USP25: variants seen among roughly 807,000 people sequenced by gnomAD.
USP25 encodes ubiquitin carboxyl-terminal hydrolase 25.
Under a neutral mutation model 158.5 loss-of-function variants are expected in USP25, and 85 were observed. The ratio of observed to expected loss-of-function variants is 0.54; its 90% CI spans 0.45 to 0.64. USP25 has a LOEUF of 0.64. USP25 is among the 30% of genes least tolerant of loss of function. The probability of loss-of-function intolerance (pLI) is 0.00; values close to 1 mark genes in which losing one functional copy is unlikely to be tolerated. For synonymous variants in USP25, 464 were observed against 460.4 expected (o/e 1.01, Z -0.10); for missense variants, 1,242 against 1,327.3 (o/e 0.94, Z 1.00).
At chr21:15,787,808 A>G (rs554355419) in intron 4 of USP25, among the ~76,000 whole-genome samples, 26 of 151,770 alleles carry the variant, frequency 1.7e-4, no homozygotes, top group African/African-American at 5.6e-4. Flanking sequence ...CTTCCCAAAA[A>G]GGGGCTTAGG....
At chr21:15,845,393 A>T (rs905830778) in intron 18 of USP25, among the ~76,000 whole-genome samples, 1 of 152,178 alleles carries the variant, frequency 6.6e-6, no homozygotes. Context: ...ATTTTACTCT[A>T]GTGAGCCCTT....
chr21:15,827,339 A>T, intron 14 of USP25, 136 bp downstream of exon 14: 1 of 809,262 alleles, frequency 1.2e-6, no homozygotes, highest in Non-Finnish European at 1.9e-6. Flanking sequence ...GGGTTTTAAG[A>T]TAAACTAGTT....
In USP25 at chr21:15,816,039, A is replaced by G. The variant is rs886189485; in HGVS notation, c.932-2659A>G. 1.3e-5 allele frequency among the ~76,000 whole-genome samples: 2 copies of G among 152,192 alleles called. No homozygotes were observed. The highest frequency in any genetic ancestry group is 2.9e-5 in the Non-Finnish European group (2 of 68,024). ...GGCTAGGGCTGGAATGATGTGGTTC[A>G]GCTGTGTCCTGATGTAAATCTCAAC... On this transcript the variant is annotated intron_variant, in intron 9 of 25. Coordinates refer to ENST00000400183, the MANE Select transcript of USP25 (RefSeq NM_001283041.3). The surrounding 1 kb of genome is among the most constrained non-coding windows in gnomAD (Gnocchi z 4.0).
At chr21:15,749,372 G>C (rs73357262) in intron 1 of USP25, among the ~76,000 whole-genome samples, 2,312 of 152,152 alleles carry the variant, frequency 0.015, 61 homozygotes, top group African/African-American at 0.051. Context: ...AATTTTCCAA[G>C]GTTTGTCTTT....
chr21:15,777,838 TC>T, intron 3 of USP25, 65 bp from the exon 4 acceptor site: 1 of 1,452,036 alleles, frequency 6.9e-7, no homozygotes, highest in South Asian at 1.5e-5. Context: ...ATATAAAATC[TC>T]CATAATAAAA....
chr21:15,764,452 GAA>G (rs1568774541), intron 2 of USP25, among the ~76,000 whole-genome samples: 1 of 151,916 alleles, frequency 6.6e-6, no homozygotes, highest in African/African-American at 2.4e-5. Context: ...GTAGCTAGGG[GAA>G]AAGAGTGTAT....
At chr21:15,862,861 A>G (rs1036180719) in intron 20 of USP25, among the ~76,000 whole-genome samples, 1 of 151,622 alleles carries the variant, frequency 6.6e-6, no homozygotes, top group African/African-American at 2.4e-5. Context: ...TTCCTTTTTA[A>G]TGAGTATGAT....
intron 1 of USP25, among the ~76,000 whole-genome samples, chr21:15,752,935 C>T (rs530771950): frequency 2.6e-5 from 4 of 152,222 alleles, no homozygotes; most frequent in Admixed American, 2.0e-4. Flanking sequence ...ATTTGTTACC[C>T]GCCAAAAACT....
chr21:15,873,785 A>G (rs2039990253), intron 23 of USP25, among the ~76,000 whole-genome samples: 1 of 151,684 alleles, frequency 6.6e-6, no homozygotes. Context: ...GAGCCGCCGC[A>G]CCCGGCCTCT....
rs557700413 is a variant in USP25 at position 15,785,224 on chromosome 21, G to A, written c.393-6278G>A. Among the ~76,000 whole-genome samples, 9 of 151,776 alleles carry A rather than the reference G, an allele frequency of 5.9e-5. No homozygotes were observed. The South Asian group carries it at 1.5e-3, about 25-fold the overall frequency. On this transcript the variant is annotated intron_variant, in intron 4 of 25. Transcript: ENST00000400183. ...GCAAAACTGTAAATATATAAGCACC[G>A]AACACCAGAACATCCAAATATATAA...
chr21:15,813,764 G>C (rs2036792553), intron 9 of USP25, among the ~76,000 whole-genome samples: 1 of 151,394 alleles, frequency 6.6e-6, no homozygotes, highest in Non-Finnish European at 1.5e-5. Flanking sequence ...AAAGAGAGGA[G>C]TTAGTTTCAA....
intron 17 of USP25, among the ~76,000 whole-genome samples, chr21:15,836,493 A>G (rs1045284629): frequency 6.6e-6 from 1 of 151,942 alleles, no homozygotes; most frequent in Admixed American, 6.6e-5. Context: ...TCAGCCAGCC[A>G]TTCTTTGCTG....
intron 1 of USP25, among the ~76,000 whole-genome samples, chr21:15,750,799 G>C (rs1272722155): frequency 2.0e-5 from 3 of 151,420 alleles, no homozygotes; most frequent in East Asian, 2.0e-4. Context: ...GTAGAGATGG[G>C]GTTTCACCGT....
intron 2 of USP25, among the ~76,000 whole-genome samples, chr21:15,763,334 G>A (rs2033847496): frequency 6.6e-6 from 1 of 152,040 alleles, no homozygotes; most frequent in Non-Finnish European, 1.5e-5. Flanking sequence ...TGTAAGAGAA[G>A]GGAAAAGTAG....
chr21:15,827,759 CGTGTGCGTGTGTGT>C (rs1400833082), intron 14 of USP25, among the ~76,000 whole-genome samples: 6 of 102,626 alleles, frequency 5.8e-5, no homozygotes, highest in African/African-American at 2.5e-4. Flanking sequence ...CACTTGTGTG[CGTGTGCGTGTGTGT>C]GTGTGTGTGT....
chr21:15,772,148 A>G (rs1035369607), intron 3 of USP25, among the ~76,000 whole-genome samples: 9 of 152,172 alleles, frequency 5.9e-5, no homozygotes, highest in African/African-American at 2.2e-4. Context: ...GTTATAAACA[A>G]TGCATATATT....
chr21:15,762,058 A>T (rs1376590413), intron 1 of USP25, among the ~76,000 whole-genome samples: 1 of 152,062 alleles, frequency 6.6e-6, no homozygotes, highest in East Asian at 1.9e-4. Context: ...TCAAACTTTC[A>T]TTCAGTAGTT....
chr21:15,853,411 G>T (rs948437949), intron 20 of USP25, among the ~76,000 whole-genome samples: 3 of 151,928 alleles, frequency 2.0e-5, no homozygotes, highest in Admixed American at 6.6e-5. Context: ...CTCATTTCTT[G>T]TATCTTACCC....
At chr21:15,772,204 T>G (rs1220013051) in intron 3 of USP25, among the ~76,000 whole-genome samples, 3 of 152,196 alleles carry the variant, frequency 2.0e-5, no homozygotes, top group Non-Finnish European at 2.9e-5. Flanking sequence ...TAGCATATAT[T>G]TTGGAGTTAG....
Sources: gnomAD v4.1 joint callset for allele counts (sites outside exome capture counted in the v4.1 genomes callset) on GRCh38, gnomAD v4.1.1 for gene constraint, Gnocchi (gnomAD v3.1) non-coding constraint, MANE v1.5 for transcripts, NCBI Gene and HGNC (gene_info 2026-07-23, HGNC 2026-07-21) for gene names.